The following CLEC6A variants were observed in gnomAD, a reference collection of about 807,000 sequenced individuals.
CLEC6A encodes C-type lectin domain family 6 member A.
In CLEC6A, 22 loss-of-function variants were observed where a neutral mutation model predicts 25.7. The observed-to-expected ratio is 0.85, with a 90% CI of 0.61 to 1.22. The LOEUF (loss-of-function observed/expected upper bound fraction) is 1.22. Ranked by LOEUF, CLEC6A falls within the 50% of genes most tolerant of loss-of-function variation. The probability of loss-of-function intolerance (pLI) is 0.00; values close to 1 mark genes in which losing one functional copy is unlikely to be tolerated. For synonymous variants in CLEC6A, 92 were observed against 76.7 expected (o/e 1.20, Z -1.04); for missense variants, 240 against 236.8 (o/e 1.01, Z -0.09).
At chr12:8,468,812 C>G (rs1197348227) in intron 4 of CLEC6A, among the ~76,000 whole-genome samples, 2 of 152,092 alleles carry the variant, frequency 1.3e-5, no homozygotes, top group Non-Finnish European at 2.9e-5. Flanking sequence ...TCATCTATGA[C>G]AAACCTACAG....
intron 3 of CLEC6A, among the ~76,000 whole-genome samples, chr12:8,461,934 T>C (rs1190731541): frequency 6.6e-6 from 1 of 152,174 alleles, no homozygotes; most frequent in Non-Finnish European, 1.5e-5. Context: ...TTTAATTTTG[T>C]GGGGAAAAGA....
At chr12:8,456,278 GAA>G in intron 1 of CLEC6A, 136 bp downstream of exon 1, 1 of 798,512 alleles carries the variant, frequency 1.3e-6, no homozygotes, top group Non-Finnish European at 2.0e-6. Context: ...GAATTTGAAA[GAA>G]AGAGTAATTC....
chr12:8,465,174 G>A (rs1939813339), intron 3 of CLEC6A, among the ~76,000 whole-genome samples: 1 of 151,184 alleles, frequency 6.6e-6, no homozygotes, highest in Admixed American at 6.6e-5. Flanking sequence ...TGTGTTAGTC[G>A]TTTAAAATTC....
Sources: gnomAD v4.1 joint callset for allele counts (sites outside exome capture counted in the v4.1 genomes callset) on GRCh38, gnomAD v4.1.1 for gene constraint, MANE v1.5 for transcripts, NCBI Gene and HGNC (gene_info 2026-07-23, HGNC 2026-07-21) for gene names.